The following CPNE9 variants were observed in gnomAD, a reference collection of about 807,000 sequenced individuals.
CPNE9 encodes the protein copine family member 9, also known as copine-9.
Under a neutral mutation model 83.0 loss-of-function variants are expected in CPNE9, and 59 were observed. That is an observed-to-expected ratio of 0.71 (90% CI 0.58 to 0.88). The LOEUF (loss-of-function observed/expected upper bound fraction) is 0.88. CPNE9 is among the 40% of genes least tolerant of loss of function. The pLI is 0.00. For synonymous variants in CPNE9, 256 were observed against 273.4 expected (o/e 0.94, Z 0.63); for missense variants, 619 against 720.8 (o/e 0.86, Z 1.62).
intron 17 of CPNE9, among the ~76,000 whole-genome samples, chr3:9,725,686 A>G (rs201710668): frequency 1.1e-4 from 15 of 132,900 alleles, no homozygotes; most frequent in African/African-American, 3.2e-4. Context: ...GTATATATAT[A>G]TACATATATG....
At chr3:9,722,164 C>G (rs112911342) in intron 17 of CPNE9, among the ~76,000 whole-genome samples, 26 of 151,336 alleles carry the variant, frequency 1.7e-4, no homozygotes, top group Admixed American at 7.2e-4. Context: ...TGATCCACCC[C>G]CCCCCGCCAC....
chr3:9,725,664 GTA>G (rs1173002215), intron 17 of CPNE9, among the ~76,000 whole-genome samples: 21 of 91,566 alleles, frequency 2.3e-4, no homozygotes, highest in Non-Finnish European at 4.8e-4. Flanking sequence ...GTGTATATAT[GTA>G]TATATATGTG....
At chr3:9,718,429 A>G in intron 16 of CPNE9, 46 bp from the exon 17 acceptor site, 1 of 1,594,286 alleles carries the variant, frequency 6.3e-7, no homozygotes, top group Non-Finnish European at 8.6e-7. Context: ...GCACTCCTGC[A>G]TGTACCCTGC....
chr3:9,726,319 T>C (rs947054413), intron 18 of CPNE9, among the ~76,000 whole-genome samples: 3 of 152,108 alleles, frequency 2.0e-5, no homozygotes, highest in Non-Finnish European at 4.4e-5. Flanking sequence ...CCACTGTGGG[T>C]TGCGTTACAG....
At chr3:9,718,260 C>T (rs1430461107) in intron 16 of CPNE9, 50 bp downstream of exon 16, 1 of 1,528,862 alleles carries the variant, frequency 6.5e-7, no homozygotes, top group Admixed American at 1.9e-5. Context: ...TCTGGTTCAC[C>T]CAAGTTGATG....
At chr3:9,705,922 C>G in intron 6 of CPNE9, 65 bp from the exon 7 acceptor site, 1 of 1,553,344 alleles carries the variant, frequency 6.4e-7, no homozygotes, top group South Asian at 1.1e-5. Context: ...AGGAGCATCA[C>G]TGGGGCTAGG....
chr3:9,713,623 A>G (rs2076650875), intron 10 of CPNE9, among the ~76,000 whole-genome samples: 1 of 152,128 alleles, frequency 6.6e-6, no homozygotes, highest in African/African-American at 2.4e-5. Flanking sequence ...GTGGAATACA[A>G]AAAGATAGGT....
chr3:9,715,889 T>C (rs2076678976), intron 13 of CPNE9, 85 bp from the exon 14 acceptor site: 1 of 1,214,358 alleles, frequency 8.2e-7, no homozygotes. Context: ...CACGTGCCTC[T>C]TTCCAAGCCC....
At chr3:9,727,666 G>A (rs2076796695) in intron 20 of CPNE9, among the ~76,000 whole-genome samples, 1 of 152,172 alleles carries the variant, frequency 6.6e-6, no homozygotes, top group Admixed American at 6.5e-5. Context: ...GCAGAAGCTA[G>A]GGTAGCAGGA....
rs575300009 is a variant in CPNE9 at position 9,708,770 on chromosome 3, C to T, written c.377+2707C>T. Among the ~76,000 whole-genome samples, 27 of 152,012 alleles carry T rather than the reference C, an allele frequency of 1.8e-4. 1 individual carries two copies. The highest frequency in any genetic ancestry group is 5.8e-4 in the East Asian group (3 of 5,132). On this transcript the variant is annotated intron_variant, in intron 7 of 20. Coordinates refer to ENST00000383832, the MANE Select transcript of CPNE9 (RefSeq NM_153635.3). ...GCCTCAGCCTCCGGAGTAGCTGGGA[C>T]TACAGGCACCCGCCACCATGCCCGG...
chr3:9,705,874 C>G, intron 6 of CPNE9, 113 bp from the exon 7 acceptor site: 1 of 1,371,002 alleles, frequency 7.3e-7, no homozygotes, highest in Non-Finnish European at 1.0e-6. Context: ...GTGGCTCTTG[C>G]ACCACTCATT....
At chr3:9,729,447 G>A in intron 20 of CPNE9, 60 bp from the exon 21 acceptor site, 1 of 1,516,746 alleles carries the variant, frequency 6.6e-7, no homozygotes, top group Non-Finnish European at 8.9e-7. Context: ...CCTCCCTGCT[G>A]CACCCCCATG....
intron 7 of CPNE9, among the ~76,000 whole-genome samples, chr3:9,709,763 G>A (rs1237814746): frequency 1.3e-5 from 2 of 151,752 alleles, no homozygotes; most frequent in Non-Finnish European, 2.9e-5. Flanking sequence ...GTGGAGGCAG[G>A]TGTATCACCT....
At chr3:9,724,754 A>G (rs1054364686) in intron 17 of CPNE9, among the ~76,000 whole-genome samples, 30 of 150,840 alleles carry the variant, frequency 2.0e-4, no homozygotes, top group African/African-American at 6.6e-4. Flanking sequence ...CTATCTATCT[A>G]TCTATCTATC....
At chr3:9,715,941 C>T (rs2076680203) in intron 13 of CPNE9, 33 bp from the exon 14 acceptor site, 1 of 1,600,788 alleles carries the variant, frequency 6.2e-7, no homozygotes, top group Non-Finnish European at 8.5e-7. Flanking sequence ...CTGCCTTTTC[C>T]AAAGTGCCAG....
rs1206105855 is a variant in CPNE9, at chr3:9,703,963, G to A, written c.-34G>A. 12 of 1,568,984 alleles carry A rather than the reference G, an allele frequency of 7.6e-6. No individual in the cohort carries two copies. The highest frequency in any genetic ancestry group is 1.2e-5 in the South Asian group (1 of 86,756). ...CCCTAGCCCCAGCAGCCCTGGTCTC[G>A]CAGCCTCCTGCGGCTCTGGTCGCCC... On this transcript the variant is annotated 5_prime_UTR_variant, in exon 1 of 21. Coordinates refer to ENST00000383832, the MANE Select transcript of CPNE9 (RefSeq NM_153635.3).
intron 7 of CPNE9, among the ~76,000 whole-genome samples, chr3:9,706,790 G>A (rs2076568726): frequency 6.6e-6 from 1 of 152,222 alleles, no homozygotes; most frequent in Non-Finnish European, 1.5e-5. Context: ...ACAACCTGAG[G>A]GAGGTAAGGT....
intron 7 of CPNE9, among the ~76,000 whole-genome samples, chr3:9,707,324 G>C (rs2076574173): frequency 7.5e-6 from 1 of 133,690 alleles, no homozygotes. Flanking sequence ...CTGCACTCCA[G>C]CCTGGGCAAC....
In CPNE9 at chr3:9,712,742, G is replaced by T; in HGVS notation, c.459G>T (p.Gln153His). The T allele has an allele frequency of 6.2e-7, 1 of 1,614,168 alleles. No homozygotes were observed. The highest frequency in any genetic ancestry group is 8.5e-7 in the Non-Finnish European group (1 of 1,180,018). ...ATCCCTAGGACATTGCCACCATGCA[G>T]CTGTGTGCAAACAAGCTGGACAAGA... ...LSNCRDIATM[Q>H]LCANKLDKKD... Residue 153 changes from glutamine (Q) to histidine (H), a missense_variant, in exon 9 of 21, where the codon CAG becomes CAT. Gln to His is a conservative substitution (Grantham distance 24, BLOSUM62 0). This residue lies in a region of CPNE9 where 438 missense variants were observed against 562.9 expected (regional missense o/e 0.78). Coordinates refer to ENST00000383832, the MANE Select transcript of CPNE9 (RefSeq NM_153635.3).
Sources: gnomAD v4.1 joint callset for allele counts (sites outside exome capture counted in the v4.1 genomes callset) on GRCh38, gnomAD v4.1.1 for gene constraint, gnomAD v4.1.1 regional missense constraint, MANE v1.5 for transcripts, NCBI Gene and HGNC (gene_info 2026-07-23, HGNC 2026-07-21) for gene names.